GALNT1: variants seen among roughly 807,000 people sequenced by gnomAD.
GALNT1 encodes GalNAc transferase 1.
GALNT1 carries 17 observed loss-of-function variants against 65.7 expected under a neutral mutation model. That is an observed-to-expected ratio of 0.26 (90% CI 0.18 to 0.39). GALNT1 has a LOEUF of 0.39. GALNT1 is among the 10% of genes least tolerant of loss of function. The probability of loss-of-function intolerance (pLI) is 1.00; values close to 1 mark genes in which losing one functional copy is unlikely to be tolerated. For synonymous variants in GALNT1, 210 were observed against 219.7 expected (o/e 0.96, Z 0.39); for missense variants, 460 against 672.8 (o/e 0.68, Z 3.50).
At chr18:35,685,409 A>G (rs1254883682) in intron 5 of GALNT1, among the ~76,000 whole-genome samples, 2 of 152,240 alleles carry the variant, frequency 1.3e-5, no homozygotes, top group East Asian at 3.9e-4. Context: ...CTGAAATTTA[A>G]CATGAATTTA....
chr18:35,610,826 C>T (rs2046707279), intron 1 of GALNT1, among the ~76,000 whole-genome samples: 1 of 152,168 alleles, frequency 6.6e-6, no homozygotes, highest in Admixed American at 6.5e-5. Flanking sequence ...GTGGCATTAT[C>T]TGACATTTGT....
At chr18:35,674,303 A>G (rs1472678162) in intron 3 of GALNT1, among the ~76,000 whole-genome samples, 1 of 152,214 alleles carries the variant, frequency 6.6e-6, no homozygotes, top group Non-Finnish European at 1.5e-5. Flanking sequence ...TGGTGGCTAC[A>G]GTGACACTAG....
intron 4 of GALNT1, among the ~76,000 whole-genome samples, chr18:35,682,771 TTTC>T (rs1197487915): frequency 6.6e-6 from 1 of 152,054 alleles, no homozygotes; most frequent in African/African-American, 2.4e-5. Flanking sequence ...CTTTTTCTCT[TTTC>T]TTCTTCAATT....
rs1450757874 is a variant in GALNT1, at chr18:35,632,438, A to G, written c.-103-22122A>G. On this transcript the variant is annotated intron_variant, in intron 1 of 11. Coordinates refer to ENST00000269195, the MANE Select transcript of GALNT1 (RefSeq NM_020474.4). ...GATCTTTGACAAACCTGACAAAAAC[A>G]AGAAATGGGGAAAGGATTCCCTATT... 1.3e-5 allele frequency among the ~76,000 whole-genome samples: 2 copies of G among 152,228 alleles called. 1 individual carries two copies. The highest frequency in any genetic ancestry group is 4.8e-5 in the African/African-American group (2 of 41,458).
intron 1 of GALNT1, among the ~76,000 whole-genome samples, chr18:35,632,858 AAAAC>A (rs1367896866): frequency 2.6e-5 from 4 of 152,058 alleles, no homozygotes; most frequent in Non-Finnish European, 4.4e-5. Context: ...TTACAAGAAA[AAAAC>A]AAACCCATCA....
chr18:35,679,342 G>A (rs1320760680), intron 4 of GALNT1, among the ~76,000 whole-genome samples: 1 of 152,080 alleles, frequency 6.6e-6, no homozygotes, highest in African/African-American at 2.4e-5. Context: ...TTCCTCCTTT[G>A]TTTTTCTCTC....
intron 1 of GALNT1, among the ~76,000 whole-genome samples, chr18:35,600,370 T>C (rs1368073706): frequency 1.3e-5 from 2 of 152,228 alleles, no homozygotes; most frequent in Admixed American, 6.5e-5. Flanking sequence ...TGTTGTTGAT[T>C]GTGTATTCTG....
chr18:35,653,138 T>C (rs1218096386), intron 1 of GALNT1, among the ~76,000 whole-genome samples: 1 of 152,164 alleles, frequency 6.6e-6, no homozygotes, highest in East Asian at 1.9e-4. Context: ...TATCAGGTAT[T>C]GAGTAAGCAT....
chr18:35,611,075 A>G (rs1672816501), intron 1 of GALNT1, among the ~76,000 whole-genome samples: 2 of 152,182 alleles, frequency 1.3e-5, no homozygotes, highest in Non-Finnish European at 2.9e-5. Context: ...TCTTTGTACT[A>G]CATTTTCAGA....
chr18:35,702,256 T>C (rs2048177253), intron 9 of GALNT1, among the ~76,000 whole-genome samples: 1 of 152,246 alleles, frequency 6.6e-6, no homozygotes, highest in Non-Finnish European at 1.5e-5. Flanking sequence ...CTTAACCTGC[T>C]GACAGTACCG....
chr18:35,698,904 C>T (rs1215255669), intron 9 of GALNT1, among the ~76,000 whole-genome samples: 1 of 152,116 alleles, frequency 6.6e-6, no homozygotes, highest in Non-Finnish European at 1.5e-5. Flanking sequence ...ATTGCTTGAA[C>T]CCGGGAGGCA....
chr18:35,623,156 A>G (rs1172835187), intron 1 of GALNT1, among the ~76,000 whole-genome samples: 5 of 152,098 alleles, frequency 3.3e-5, no homozygotes, highest in African/African-American at 9.7e-5. Flanking sequence ...GGTGTTCTTC[A>G]TTCCTTCTGA....
chr18:35,599,370 T>C (rs919104930), intron 1 of GALNT1, among the ~76,000 whole-genome samples: 1 of 149,450 alleles, frequency 6.7e-6, no homozygotes, highest in African/African-American at 2.5e-5. Flanking sequence ...TTTACACTTT[T>C]TTTTTTTTTT....
chr18:35,614,646 T>C (rs753383581), intron 1 of GALNT1, among the ~76,000 whole-genome samples: 15 of 152,296 alleles, frequency 9.8e-5, no homozygotes, highest in Non-Finnish European at 1.8e-4. Flanking sequence ...AACAGAATGG[T>C]CATTCCTTAG....
At chr18:35,708,037 C>T (rs1449329186) in intron 11 of GALNT1, among the ~76,000 whole-genome samples, 1 of 152,178 alleles carries the variant, frequency 6.6e-6, no homozygotes, top group Non-Finnish European at 1.5e-5. Context: ...ATAGGCAGCA[C>T]TTTATGTACA....
intron 2 of GALNT1, among the ~76,000 whole-genome samples, chr18:35,657,814 G>A (rs371620762): frequency 6.6e-6 from 1 of 152,160 alleles, no homozygotes; most frequent in African/African-American, 2.4e-5. Flanking sequence ...CTGTTCTTTA[G>A]GAAGCTTCAG....
rs1327316065 is a variant in GALNT1, at chr18:35,710,713, A to G, written c.*943A>G. 1 of 151,654 alleles carries G rather than the reference A, an allele frequency of 6.6e-6. No individual in the cohort carries two copies. Among genetic ancestry groups the G allele is most frequent in the East Asian group, 2.0e-4 (1 of 5,094 alleles). The allele number at this position is 151,654 out of a possible 1,614,324, so 9.4% of individuals were successfully genotyped here. On this transcript the variant is annotated 3_prime_UTR_variant, in exon 12 of 12. Coordinates refer to ENST00000269195, the MANE Select transcript of GALNT1 (RefSeq NM_020474.4). ...ATTTTCGACTTCTTCACTTGACCTA[A>G]CTGATTATGCGAAATACCCAAGATT...
At chr18:35,664,642 A>C (rs974782967) in intron 3 of GALNT1, 1 of 152,228 alleles carries the variant, frequency 6.6e-6, no homozygotes, top group African/African-American at 2.4e-5. Context: ...TGTTTATACC[A>C]ATTTACACTC....
intron 1 of GALNT1, among the ~76,000 whole-genome samples, chr18:35,598,679 C>G (rs2046537514): frequency 2.6e-5 from 4 of 152,180 alleles, no homozygotes; most frequent in African/African-American, 9.7e-5. Flanking sequence ...GTAAATAGTA[C>G]TGCAATAAAC....
Sources: allele counts gnomAD v4.1 joint callset (sites outside exome capture counted in the v4.1 genomes callset), GRCh38; gene constraint gnomAD v4.1.1; transcripts MANE v1.5; gene names NCBI Gene and HGNC (gene_info 2026-07-23, HGNC 2026-07-21).